Variants in NRG1 observed in about 807,000 individuals in gnomAD.
NRG1 encodes the protein neuregulin 1.
Under a neutral mutation model 63.8 loss-of-function variants are expected in NRG1, and 18 were observed. The observed-to-expected ratio is 0.28, with a 90% CI of 0.19 to 0.42. The LOEUF (loss-of-function observed/expected upper bound fraction) is 0.42, where lower values mean the gene tolerates loss of function less well. Ranked by LOEUF, NRG1 falls within the 10% of genes least tolerant of loss-of-function variation. The pLI, the probability that NRG1 is intolerant of heterozygous loss-of-function variation, is 1.00. For missense variants in NRG1, 762 were observed against 814.7 expected (o/e 0.94, Z 0.79); for synonymous variants, 302 against 301.3 (o/e 1.00, Z -0.02).
intron 1 of NRG1, among the ~76,000 whole-genome samples, chr8:32,187,408 T>C (rs1842071650): frequency 6.6e-6 from 1 of 152,128 alleles, no homozygotes; most frequent in Non-Finnish European, 1.5e-5. Flanking sequence ...GAATTATTTA[T>C]CTAAATAATT....
chr8:32,639,270 G>C (rs1048386878), intron 5 of NRG1, among the ~76,000 whole-genome samples: 14 of 152,144 alleles, frequency 9.2e-5, no homozygotes, highest in African/African-American at 3.1e-4. Flanking sequence ...GCCAGGTGTG[G>C]TGGTGCATGC....
intron 1 of NRG1, among the ~76,000 whole-genome samples, chr8:32,576,887 G>A (rs1839744009): frequency 6.6e-6 from 1 of 152,050 alleles, no homozygotes; most frequent in Admixed American, 6.6e-5. Flanking sequence ...ATTGCGTGGT[G>A]CTGAGGTTTA....
At chr8:32,183,163 T>C (rs1585908062) in intron 1 of NRG1, among the ~76,000 whole-genome samples, 1 of 152,214 alleles carries the variant, frequency 6.6e-6, no homozygotes, top group Admixed American at 6.5e-5. Flanking sequence ...GGAGCTGGGC[T>C]GGTATGACAT....
intron 1 of NRG1, among the ~76,000 whole-genome samples, chr8:31,735,721 T>C (rs943526356): frequency 6.6e-6 from 1 of 152,192 alleles, no homozygotes; most frequent in Non-Finnish European, 1.5e-5. Context: ...AACTTAACTT[T>C]TTAGCATTAT....
intron 1 of NRG1, among the ~76,000 whole-genome samples, chr8:31,813,404 A>C (rs981923497): frequency 6.6e-6 from 1 of 151,924 alleles, no homozygotes; most frequent in African/African-American, 2.4e-5. Context: ...CCTTTCAATT[A>C]ATGCTCTTAG....
At chr8:32,293,191 G>A (rs541441862) in intron 1 of NRG1, among the ~76,000 whole-genome samples, 57 of 152,282 alleles carry the variant, frequency 3.7e-4, no homozygotes, top group South Asian at 2.1e-3. Context: ...TGATTGTTCC[G>A]TTATATGATA....
chr8:32,652,310 C>T (rs571239710), intron 5 of NRG1, among the ~76,000 whole-genome samples: 3 of 152,206 alleles, frequency 2.0e-5, no homozygotes, highest in South Asian at 2.1e-4. Flanking sequence ...GGTCTTTTCC[C>T]TTTTTATTAG....
intron 1 of NRG1, among the ~76,000 whole-genome samples, chr8:31,935,036 G>A (rs568149583): frequency 5.7e-4 from 86 of 152,056 alleles, no homozygotes; most frequent in Middle Eastern, 3.4e-3. Context: ...CTGCAGCCTC[G>A]AACTCCTGGG....
chr8:32,270,030 G>A (rs993394783), intron 1 of NRG1, among the ~76,000 whole-genome samples: 7 of 152,058 alleles, frequency 4.6e-5, no homozygotes, highest in South Asian at 4.2e-4. Flanking sequence ...ATACCTACAC[G>A]TAACCATCCA....
chr8:32,043,288 A>AT (rs1187992604), intron 1 of NRG1, among the ~76,000 whole-genome samples: 1 of 152,130 alleles, frequency 6.6e-6, no homozygotes, highest in Non-Finnish European at 1.5e-5. Flanking sequence ...ATCAACCAAC[A>AT]TTTTTTAAAT....
At chr8:31,751,337 A>G (rs1816440071) in intron 1 of NRG1, among the ~76,000 whole-genome samples, 2 of 152,038 alleles carry the variant, frequency 1.3e-5, no homozygotes, top group Non-Finnish European at 2.9e-5. Context: ...CCCTTGGGCT[A>G]GTAATTAAAG....
chr8:32,665,407 A>G (rs74478020), intron 5 of NRG1, among the ~76,000 whole-genome samples: 152 of 152,320 alleles, frequency 1.0e-3, no homozygotes, highest in Non-Finnish European at 1.4e-3. Context: ...TTCATGGAGT[A>G]TTCAAAGAAG....
chr8:32,056,788 A>C (rs1823021634), intron 1 of NRG1, among the ~76,000 whole-genome samples: 1 of 152,184 alleles, frequency 6.6e-6, no homozygotes, highest in Admixed American at 6.6e-5. Flanking sequence ...CCTAGTGTTT[A>C]ATGCAAATTG....
intron 1 of NRG1, among the ~76,000 whole-genome samples, chr8:31,647,474 T>C (rs1401719708): frequency 1.3e-5 from 2 of 152,198 alleles, no homozygotes; most frequent in African/African-American, 4.8e-5. Flanking sequence ...GTGGCAGCAT[T>C]TTCCTCCACT....
At chr8:32,188,266 C>T (rs1842156900) in intron 1 of NRG1, among the ~76,000 whole-genome samples, 3 of 152,140 alleles carry the variant, frequency 2.0e-5, no homozygotes, top group Admixed American at 2.0e-4. Flanking sequence ...AGGGTTTCAC[C>T]ATGGTGGCCA....
intron 1 of NRG1, among the ~76,000 whole-genome samples, chr8:31,927,479 C>T (rs1253410546): frequency 3.1e-5 from 4 of 128,600 alleles, no homozygotes; most frequent in Non-Finnish European, 3.1e-5. Context: ...GACGGAGTCT[C>T]GCTCTGTCGC....
intron 1 of NRG1, among the ~76,000 whole-genome samples, chr8:32,164,186 T>C (rs984166068): frequency 1.3e-5 from 2 of 151,992 alleles, no homozygotes; most frequent in Non-Finnish European, 2.9e-5. Context: ...ATCTGACCTA[T>C]TATTATGTCA....
At chr8:32,383,060 A>G (rs1029077912) in intron 1 of NRG1, among the ~76,000 whole-genome samples, 4 of 111,462 alleles carry the variant, frequency 3.6e-5, no homozygotes, top group Non-Finnish European at 7.7e-5. Flanking sequence ...CGTCCCTACT[A>G]AAAAAAAAAA....
At chr8:31,829,134 A>C (rs982096669) in intron 1 of NRG1, among the ~76,000 whole-genome samples, 2 of 152,214 alleles carry the variant, frequency 1.3e-5, no homozygotes, top group Non-Finnish European at 2.9e-5. Flanking sequence ...AACCTCTCTC[A>C]GATCTGAGCA....
Sources: gnomAD v4.1 joint callset for allele counts (sites outside exome capture counted in the v4.1 genomes callset) on GRCh38, gnomAD v4.1.1 for gene constraint, MANE v1.5 for transcripts, NCBI Gene and HGNC (gene_info 2026-07-23, HGNC 2026-07-21) for gene names.